AGAP1: variants seen among roughly 807,000 people sequenced by gnomAD.
The protein encoded by AGAP1 is arf-GAP with GTPase, ANK repeat and PH domain-containing protein 1.
In AGAP1, 29 loss-of-function variants were observed where a neutral mutation model predicts 105.3. That is an observed-to-expected ratio of 0.28 (90% CI 0.21 to 0.38). The LOEUF (loss-of-function observed/expected upper bound fraction) is 0.38, where lower values mean the gene tolerates loss of function less well. AGAP1 is among the 10% of genes least tolerant of loss of function. AGAP1 has a pLI of 1.00. For synonymous variants in AGAP1, 509 were observed against 485.9 expected (o/e 1.05, Z -0.63); for missense variants, 998 against 1,165.1 (o/e 0.86, Z 2.09).
intron 13 of AGAP1, among the ~76,000 whole-genome samples, chr2:235,997,723 ACTT>A (rs1257584558): frequency 6.6e-6 from 1 of 152,088 alleles, no homozygotes; most frequent in African/African-American, 2.4e-5. Context: ...ACCAATAAAA[ACTT>A]TTTTTTTTCC....
At chr2:235,530,142 G>A (rs372313178) in intron 1 of AGAP1, among the ~76,000 whole-genome samples, 3 of 152,158 alleles carry the variant, frequency 2.0e-5, no homozygotes, top group South Asian at 4.2e-4. Context: ...ACTACAAGAC[G>A]TGGGTCTTGG....
At chr2:235,703,284 G>C (rs1950348634) in intron 1 of AGAP1, among the ~76,000 whole-genome samples, 1 of 152,014 alleles carries the variant, frequency 6.6e-6, no homozygotes, top group Non-Finnish European at 1.5e-5. Context: ...GGCAGGCCAT[G>C]TGTTACTCCA....
At chr2:235,682,590 G>A (rs950909369) in intron 1 of AGAP1, among the ~76,000 whole-genome samples, 10 of 151,950 alleles carry the variant, frequency 6.6e-5, no homozygotes, top group Admixed American at 5.2e-4. Context: ...AATGATCCTC[G>A]CACCTTAGCC....
At chr2:235,782,678 A>G (rs1360278374) in intron 6 of AGAP1, among the ~76,000 whole-genome samples, 1 of 152,194 alleles carries the variant, frequency 6.6e-6, no homozygotes, top group African/African-American at 2.4e-5. Flanking sequence ...GGTGCTGTGT[A>G]GCAGTACCAG....
At position 235,842,254 on chromosome 2, in the gene AGAP1, A is replaced by C. The variant is rs1051910214; in HGVS notation, c.1050+34923A>C. Among the ~76,000 whole-genome samples, 1 of 152,188 alleles carries C rather than the reference A, an allele frequency of 6.6e-6. No homozygotes were observed. The highest frequency in any genetic ancestry group is 1.5e-5 in the Non-Finnish European group (1 of 68,040). ...GGGTCCGCGAATGTGGCTGGGGGGA[A>C]ATTCATTCGTATTTCCACTGACTTC... On this transcript the variant is annotated intron_variant, in intron 9 of 17. Transcript: ENST00000304032. The surrounding 1 kb of genome is among the most constrained non-coding windows in gnomAD (Gnocchi z 5.3).
chr2:235,576,376 T>G (rs1944733020), intron 1 of AGAP1, among the ~76,000 whole-genome samples: 1 of 152,250 alleles, frequency 6.6e-6, no homozygotes, highest in East Asian at 1.9e-4. Flanking sequence ...GTGTGTGTTG[T>G]ACTCAGCACG....
At chr2:235,543,860 G>A (rs1160651764) in intron 1 of AGAP1, among the ~76,000 whole-genome samples, 3 of 152,154 alleles carry the variant, frequency 2.0e-5, no homozygotes, top group South Asian at 2.1e-4. Context: ...GGGGCAACAC[G>A]TGCCCTCTAA....
chr2:235,645,541 G>T (rs1160308245), intron 1 of AGAP1, among the ~76,000 whole-genome samples: 1 of 152,176 alleles, frequency 6.6e-6, no homozygotes, highest in African/African-American at 2.4e-5. Flanking sequence ...TAGTGACTGG[G>T]CTCAGCCATC....
chr2:235,663,605 A>C lies in AGAP1; in HGVS notation c.164-45574A>C, dbSNP rs1948033045. Among the ~76,000 whole-genome samples the C allele has an allele frequency of 6.6e-6, 1 of 152,072 alleles. No homozygotes were observed. The highest frequency in any genetic ancestry group is 2.4e-5 in the African/African-American group (1 of 41,414). On this transcript the variant is annotated intron_variant, in intron 1 of 17. Coordinates refer to ENST00000304032, the MANE Select transcript of AGAP1 (RefSeq NM_001037131.3). This position sits in a 1 kb window ranked among gnomAD's most constrained non-coding sequence, Gnocchi z 5.4. ...GGGCATCGTTTGTGGCCTCAATGTG[A>C]TTTTCATGTAAGTCATGGATTTTCT...
chr2:235,674,443 C>G (rs548096462), intron 1 of AGAP1, among the ~76,000 whole-genome samples: 61 of 152,334 alleles, frequency 4.0e-4, no homozygotes, highest in Admixed American at 1.9e-3. Context: ...GGCCCTGGAA[C>G]CAGCTGTGCT....
chr2:235,941,127 G>A (rs1274188582), intron 12 of AGAP1, among the ~76,000 whole-genome samples: 1 of 152,178 alleles, frequency 6.6e-6, no homozygotes, highest in East Asian at 1.9e-4. Flanking sequence ...TTAAGACAGA[G>A]CATGTTGGTC....
chr2:235,765,394 C>A (rs1296113890), intron 6 of AGAP1, among the ~76,000 whole-genome samples: 3 of 152,030 alleles, frequency 2.0e-5, no homozygotes, highest in Non-Finnish European at 4.4e-5. Context: ...TCTCACGCTG[C>A]CCCCACAGGC....
chr2:235,720,631 GTGTATCTGCC>G lies in AGAP1; in HGVS notation c.310+2991_310+3000del, dbSNP rs139919637. 736 of 982,466 alleles carry G rather than the reference GTGTATCTGCC, an allele frequency of 7.5e-4. 2 individuals are homozygous for G. In the African/African-American group the frequency reaches 0.012, roughly 16 times the overall value. 60.9% of individuals were successfully genotyped at this position (982,466 alleles called of 1,614,324 possible). A position where few individuals can be genotyped will look rare whatever the true frequency, so the allele number is the denominator to read the frequency against. On this transcript the variant is annotated intron_variant, in intron 3 of 17. Coordinates refer to ENST00000304032, the MANE Select transcript of AGAP1 (RefSeq NM_001037131.3). The surrounding 1 kb of genome is among the most constrained non-coding windows in gnomAD (Gnocchi z 5.0). ...TACTTTGAATGAAAGGCATTTTGCT[GTGTATCTGCC>G]TGTCCAGATAGTTCCTTGGATTCTC...
chr2:235,555,291 C>T lies in AGAP1; in HGVS notation c.163+60442C>T, dbSNP rs1559245126. On this transcript the variant is annotated intron_variant, in intron 1 of 17. Transcript: ENST00000304032. The surrounding 1 kb of genome is among the most constrained non-coding windows in gnomAD (Gnocchi z 5.1). ...CCGCCCTGCCCTGTCTCTTTGTGTT[C>T]GTTGGTCTCCATTTCTAGTGTCTGA... Among the ~76,000 whole-genome samples, 1 of 152,188 alleles carries T rather than the reference C, an allele frequency of 6.6e-6. No individual in the cohort carries two copies. The highest frequency in any genetic ancestry group is 1.5e-5 in the Non-Finnish European group (1 of 68,048).
intron 1 of AGAP1, among the ~76,000 whole-genome samples, chr2:235,674,299 T>C (rs1470681219): frequency 1.3e-5 from 2 of 152,204 alleles, no homozygotes; most frequent in African/African-American, 4.8e-5. Flanking sequence ...CTGATACACA[T>C]GTGTTAGGGC....
chr2:235,546,822 T>C (rs901481767), intron 1 of AGAP1, among the ~76,000 whole-genome samples: 1 of 152,208 alleles, frequency 6.6e-6, no homozygotes, highest in African/African-American at 2.4e-5. Context: ...TAGTCATTAG[T>C]TTCTTCTTTG....
rs1040823944 is a variant in AGAP1 at position 236,115,076 on chromosome 2, A to C, written c.2115-5116A>C. Among the ~76,000 whole-genome samples, 4 of 152,230 alleles carry C rather than the reference A, an allele frequency of 2.6e-5. No homozygotes were observed. The South Asian group carries it at 8.3e-4, about 31-fold the overall frequency. On this transcript the variant is annotated intron_variant, in intron 16 of 17. Coordinates refer to ENST00000304032, the MANE Select transcript of AGAP1 (RefSeq NM_001037131.3). ...TTGCGTGAAGCTCGTATGTACACAC[A>C]GCCGTGATTTAGAAGCCTCCCGTGC... is the stretch of plus-strand genomic sequence containing the variant.
At chr2:235,547,885 G>T (rs1943678816) in intron 1 of AGAP1, among the ~76,000 whole-genome samples, 1 of 152,220 alleles carries the variant, frequency 6.6e-6, no homozygotes, top group Non-Finnish European at 1.5e-5. Flanking sequence ...GGTAATGGAG[G>T]CAACAGGCAG....
Position 235,632,795 on chromosome 2 carries a change from C to T in AGAP1, c.164-76384C>T, listed in dbSNP as rs117470546. Among the ~76,000 whole-genome samples, 202 of 152,078 alleles carry T rather than the reference C, an allele frequency of 1.3e-3. 3 individuals carry two copies. In the East Asian group the frequency reaches 0.037, roughly 28 times the overall value. On this transcript the variant is annotated intron_variant, in intron 1 of 17. Transcript: ENST00000304032. ...GCCGGCCATTGCACGTTCATCAGCC[C>T]GGTTTTCCTCTTGTGGCACCTGGTG... is the stretch of plus-strand genomic sequence containing the variant.
Sources: gnomAD v4.1 joint callset for allele counts (sites outside exome capture counted in the v4.1 genomes callset) on GRCh38, gnomAD v4.1.1 for gene constraint, Gnocchi (gnomAD v3.1) non-coding constraint, MANE v1.5 for transcripts, NCBI Gene and HGNC (gene_info 2026-07-23, HGNC 2026-07-21) for gene names.